The following HHIPL1 variants were observed in gnomAD, a reference collection of about 807,000 sequenced individuals.
HHIPL1 encodes HHIP-like protein 1.
In HHIPL1, 43 loss-of-function variants were observed where a neutral mutation model predicts 61.8. The observed-to-expected ratio is 0.70, with a 90% confidence interval of 0.55 to 0.90. HHIPL1 has a LOEUF of 0.90. Ranked by LOEUF, HHIPL1 falls within the 40% of genes least tolerant of loss-of-function variation. HHIPL1 has a pLI of 0.00. For synonymous variants in HHIPL1, 482 were observed against 515.8 expected, an observed-to-expected ratio of 0.93 and a Z score of 0.89; for missense variants, 1,056 against 1,157.7, an observed-to-expected ratio of 0.91 and a Z score of 1.28.
At chr14:99,626,025 G>A in the HHIPL1 span, among the ~76,000 whole-genome samples, 1 of 152,182 alleles carries the variant, frequency 6.6e-6, no homozygotes, top group Non-Finnish European at 1.5e-5. Flanking sequence ...ATGAATGCCT[G>A]CATTGCTACC....
the HHIPL1 span, among the ~76,000 whole-genome samples, chr14:99,620,194 T>C: frequency 2.0e-5 from 3 of 152,064 alleles, no homozygotes; most frequent in East Asian, 5.8e-4. Context: ...TCTGTGGAGG[T>C]CACAGGAAAC....
chr14:99,652,183 C>T (rs2055941615), intron 1 of HHIPL1, 41 bp from the exon 2 acceptor site: 2 of 1,537,222 alleles, frequency 1.3e-6, no homozygotes, highest in Non-Finnish European at 1.8e-6. Context: ...GGCTGGTAAG[C>T]ACCTCCACAA....
chr14:99,660,253 G>T lies in HHIPL1; in HGVS notation c.1376-27G>T. 6.2e-7 allele frequency: 1 copy of T among 1,612,286 alleles called. No homozygotes were observed. Among genetic ancestry groups the T allele is most frequent in the East Asian group, 2.2e-5 (1 of 44,746 alleles). ...TGAACCTTCCCGCCGCTGGCTCACC[G>T]AAGCTTCTCTCCCTCCCACCCCGCA... On this transcript the variant is annotated intron_variant, in intron 4 of 8. Coordinates refer to ENST00000330710, the MANE Select transcript of HHIPL1 (RefSeq NM_001127258.3). This position sits in a 1 kb window ranked among gnomAD's most constrained non-coding sequence, Gnocchi z 4.9.
chr14:99,614,994 CACA>C, the HHIPL1 span, among the ~76,000 whole-genome samples: 9 of 152,070 alleles, frequency 5.9e-5, no homozygotes, highest in Non-Finnish European at 8.8e-5. Flanking sequence ...TGTAAAACTT[CACA>C]ACACCAGGGT....
rs2056409366 is a variant in HHIPL1 at position 99,678,228 on chromosome 14, C to T, written c.*2602C>T. ...TACCCTGCCCCACTGCCACTCACCT[C>T]CTGCTGTGTGGCCCGGTTCCTAACA... On this transcript the variant is annotated 3_prime_UTR_variant, in exon 9 of 9. Coordinates refer to ENST00000330710, the MANE Select transcript of HHIPL1 (RefSeq NM_001127258.3). The T allele has an allele frequency of 6.6e-6, 1 of 152,276 alleles. No individual in the cohort carries two copies. The highest frequency in any genetic ancestry group is 2.1e-4 in the South Asian group (1 of 4,836). 9.4% of individuals were successfully genotyped at this position (152,276 alleles called of 1,614,324 possible). A position where few individuals can be genotyped will look rare whatever the true frequency, so the allele number is the denominator to read the frequency against.
chr14:99,621,704 CTTTTCTTTT>C, the HHIPL1 span, among the ~76,000 whole-genome samples: 1 of 83,438 alleles, frequency 1.2e-5, no homozygotes, highest in Non-Finnish European at 2.5e-5. Context: ...TTTTTCTTTT[CTTTTCTTTT>C]TTTTTTTTTT....
chr14:99,670,548 C>T (rs913681982), intron 7 of HHIPL1, among the ~76,000 whole-genome samples: 9 of 152,078 alleles, frequency 5.9e-5, no homozygotes, highest in Non-Finnish European at 8.8e-5. Context: ...TCCTTGTTTA[C>T]CAGACTTTTT....
chr14:99,660,137 TGCTGTGGGCACGCCAGCC>T lies in HHIPL1; in HGVS notation c.1376-142_1376-125del. ...GACACGCTTTCCACCACGCCAGCCC[TGCTGTGGGCACGCCAGCC>T]CTGCTGTGGGCACGCCCCTCCCTCC... is the stretch of plus-strand genomic sequence containing the variant. On this transcript the variant is annotated intron_variant, in intron 4 of 8. Transcript: ENST00000330710. The surrounding 1 kb of genome is among the most constrained non-coding windows in gnomAD (Gnocchi z 4.9). 3.0e-6 allele frequency: 2 copies of T among 673,388 alleles called. No homozygotes were observed. Among genetic ancestry groups the T allele is most frequent in the South Asian group, 2.6e-5 (1 of 38,754 alleles). The allele number at this position is 673,388 out of a possible 1,614,324, so 41.7% of individuals were successfully genotyped here.
At position 99,660,969 on chromosome 14, in the gene HHIPL1, C is replaced by G. The variant is rs114505767; in HGVS notation, c.1502+563C>G. On this transcript the variant is annotated intron_variant, in intron 5 of 8. Coordinates refer to ENST00000330710, the MANE Select transcript of HHIPL1 (RefSeq NM_001127258.3). The surrounding 1 kb of genome is among the most constrained non-coding windows in gnomAD (Gnocchi z 4.9). ...AGGTGGGGCTCTTGTGGCCTTGGAGCCTTGCTGCCCTGCCCCCGTGCTCTA... is the reference window on the plus strand; with the variant it reads ...AGGTGGGGCTCTTGTGGCCTTGGAGGCTTGCTGCCCTGCCCCCGTGCTCTA... Among the ~76,000 whole-genome samples the G allele has an allele frequency of 6.6e-6, 1 of 152,146 alleles. No individual in the cohort carries two copies. The highest frequency in any genetic ancestry group is 2.4e-5 in the African/African-American group (1 of 41,422).
intron 7 of HHIPL1, among the ~76,000 whole-genome samples, chr14:99,669,540 C>A (rs1333829927): frequency 6.6e-6 from 1 of 152,088 alleles, no homozygotes; most frequent in African/African-American, 2.4e-5. Context: ...GGGAGGAGTT[C>A]AAGTCCAGCC....
At position 99,660,256 on chromosome 14, in the gene HHIPL1, G is replaced by T. The variant is rs2056128037; in HGVS notation, c.1376-24G>T. On this transcript the variant is annotated intron_variant, in intron 4 of 8. Coordinates refer to ENST00000330710, the MANE Select transcript of HHIPL1 (RefSeq NM_001127258.3). The surrounding 1 kb of genome is among the most constrained non-coding windows in gnomAD (Gnocchi z 4.9). ...ACCTTCCCGCCGCTGGCTCACCGAA[G>T]CTTCTCTCCCTCCCACCCCGCAGAT... is the stretch of plus-strand genomic sequence containing the variant. 3 of 1,613,636 alleles carry T rather than the reference G, an allele frequency of 1.9e-6. No homozygotes were observed. In the East Asian group the frequency reaches 6.7e-5, roughly 36 times the overall value.
At position 99,652,605 on chromosome 14, in the gene HHIPL1, G is replaced by A. The variant is rs757751588; in HGVS notation, c.637G>A (p.Glu213Lys). ...TGGCACCCACCGCTTCTTCGTGGCC[G>A]AGCAGGTGGGGCTGGTGTGGGCCTA... ...RDGTHRFFVA[E>K]QVGLVWAYLP... The change falls in exon 2 of 9, where the codon GAG (glutamate) becomes AAG (lysine). Residue 213 changes from glutamate to lysine, a missense_variant. Coordinates refer to ENST00000330710, the MANE Select transcript of HHIPL1 (RefSeq NM_001127258.3). The A allele has an allele frequency of 2.2e-5, 36 of 1,613,120 alleles. No individual in the cohort carries two copies. The Admixed American group carries it at 2.8e-4, about 13-fold the overall frequency.
In HHIPL1 at chr14:99,668,213, T is replaced by C. The variant is rs2056277366; in HGVS notation, c.1649-9T>C. On this transcript the variant is annotated splice_polypyrimidine_tract_variant and intron_variant, in intron 6 of 8. Transcript: ENST00000330710. This position sits in a 1 kb window ranked among gnomAD's most constrained non-coding sequence, Gnocchi z 4.7. ...GGGGGTCTCACTAGTCACTTTGTTC[T>C]GTCCAAAGGGGAGCTGTACTTCATG... is the stretch of plus-strand genomic sequence containing the variant. The C allele has an allele frequency of 6.3e-7, 1 of 1,586,180 alleles. No homozygotes were observed. Among genetic ancestry groups the C allele is most frequent in the Non-Finnish European group, 8.7e-7 (1 of 1,154,586 alleles).
chr14:99,644,825 T>C (rs2055800916), upstream of HHIPL1, among the ~76,000 whole-genome samples: 1 of 152,196 alleles, frequency 6.6e-6, no homozygotes, highest in South Asian at 2.1e-4. Flanking sequence ...TCCGTTTCCC[T>C]AGCCCAGTGG....
the HHIPL1 span, among the ~76,000 whole-genome samples, chr14:99,607,095 A>G: frequency 7.9e-6 from 1 of 126,214 alleles, no homozygotes; most frequent in Non-Finnish European, 1.6e-5. Flanking sequence ...GTGCAGTGGC[A>G]TGATCTTGGC....
At chr14:99,617,713 T>C in the HHIPL1 span, among the ~76,000 whole-genome samples, 1 of 152,182 alleles carries the variant, frequency 6.6e-6, no homozygotes, top group Non-Finnish European at 1.5e-5. Context: ...TATTCCCTGA[T>C]GGAAGCCCCC....
At position 99,659,643 on chromosome 14, in the gene HHIPL1, G is replaced by T; in HGVS notation, c.1262G>T (p.Gly421Val). ...GRGRLFCGDVGQNKFEEVDVV... is the reference protein window; with the variant it reads ...GRGRLFCGDVVQNKFEEVDVV... ...GGGCGCCTCTTCTGCGGCGACGTGGGCCAGAACAAGTTCGAGGAGGTGGAC... is the reference window on the plus strand; with the variant it reads ...GGGCGCCTCTTCTGCGGCGACGTGGTCCAGAACAAGTTCGAGGAGGTGGAC... Residue 421 changes from glycine (G) to valine (V), a missense_variant, in exon 4 of 9, where the codon GGC becomes GTC. Gly to Val is a moderately radical substitution (Grantham distance 109). Coordinates refer to ENST00000330710, the MANE Select transcript of HHIPL1 (RefSeq NM_001127258.3). 6.4e-7 allele frequency: 1 copy of T among 1,552,200 alleles called. No homozygotes were observed.
At chr14:99,637,084 GAAAGAAAGAAGGAAGGAAA>G in the HHIPL1 span, among the ~76,000 whole-genome samples, 6 of 115,900 alleles carry the variant, frequency 5.2e-5, 1 homozygote, top group African/African-American at 1.4e-4. Context: ...GAGAGAGAAA[GAAAGAAAGAAGGAAGGAAA>G]AAAGAAAGAA....
the HHIPL1 span, among the ~76,000 whole-genome samples, chr14:99,640,106 G>T: frequency 6.6e-5 from 10 of 151,954 alleles, no homozygotes; most frequent in African/African-American, 1.2e-4. Flanking sequence ...TTGTTCTTTG[G>T]TCCTGCCTCC....
Sources: gnomAD v4.1 joint callset for allele counts (sites outside exome capture counted in the v4.1 genomes callset) on GRCh38, gnomAD v4.1.1 for gene constraint, Gnocchi (gnomAD v3.1) non-coding constraint, MANE v1.5 for transcripts, NCBI Gene and HGNC (gene_info 2026-07-23, HGNC 2026-07-21) for gene names.